Variants in TBC1D22A observed in about 807,000 individuals in gnomAD.
The protein encoded by TBC1D22A is TBC1 domain family member 22A, also known as putative GTPase activator.
TBC1D22A carries 38 observed loss-of-function variants against 60.2 expected under a neutral mutation model. That is an observed-to-expected ratio of 0.63 (90% CI 0.49 to 0.83). The LOEUF (loss-of-function observed/expected upper bound fraction) is 0.83. Ranked by LOEUF, TBC1D22A falls within the 40% of genes least tolerant of loss-of-function variation. TBC1D22A has a pLI of 0.00. For synonymous variants in TBC1D22A, 302 were observed against 281.7 expected, an observed-to-expected ratio of 1.07 and a Z score of -0.72; for missense variants, 628 against 701.0, an observed-to-expected ratio of 0.90 and a Z score of 1.18.
intron 8 of TBC1D22A, among the ~76,000 whole-genome samples, chr22:46,952,157 T>G (rs1372388167): frequency 1.5e-5 from 2 of 137,448 alleles, no homozygotes; most frequent in Admixed American, 1.5e-4. Context: ...GTTGACACTT[T>G]GCAGCCATCA....
At position 47,091,581 on chromosome 22, in the gene TBC1D22A, A is replaced by T. The variant is rs140071663; in HGVS notation, c.1330-19927A>T. Among the ~76,000 whole-genome samples the T allele has an allele frequency of 2.5e-3, 381 of 151,374 alleles. 4 individuals are homozygous for T. Among genetic ancestry groups the T allele is most frequent in the African/African-American group, 7.9e-3 (326 of 41,140 alleles). On this transcript the variant is annotated intron_variant, in intron 11 of 12. Coordinates refer to ENST00000337137, the MANE Select transcript of TBC1D22A (RefSeq NM_014346.5). ...TTGCGGAGGGGGTGGCTGCGTGTTG[A>T]TAGAGACAGGCACGATAAGTCGTCT...
intron 9 of TBC1D22A, among the ~76,000 whole-genome samples, chr22:46,987,625 G>A (rs924930493): frequency 2.6e-5 from 4 of 152,138 alleles, no homozygotes; most frequent in Admixed American, 6.5e-5. Flanking sequence ...TCTAAAAAGT[G>A]TACATACCGG....
At chr22:46,812,617 G>A (rs551141855) in intron 4 of TBC1D22A, among the ~76,000 whole-genome samples, 16 of 152,310 alleles carry the variant, frequency 1.1e-4, no homozygotes, top group African/African-American at 3.8e-4. Context: ...CTCGATGGGG[G>A]TTTTGAAATG....
chr22:46,932,814 T>A (rs2071431679), intron 8 of TBC1D22A, among the ~76,000 whole-genome samples: 1 of 144,622 alleles, frequency 6.9e-6, no homozygotes, highest in African/African-American at 2.6e-5. Flanking sequence ...AACCTCTGCC[T>A]CCCAGGTTCA....
At chr22:47,076,415 A>G (rs1398671341) in intron 11 of TBC1D22A, among the ~76,000 whole-genome samples, 12 of 148,464 alleles carry the variant, frequency 8.1e-5, no homozygotes, top group Non-Finnish European at 1.2e-4. Context: ...ACACATATAT[A>G]TATATATATG....
At chr22:47,169,903 C>A (rs2068364879) in intron 12 of TBC1D22A, among the ~76,000 whole-genome samples, 1 of 152,214 alleles carries the variant, frequency 6.6e-6, no homozygotes, top group African/African-American at 2.4e-5. Context: ...CTCCACCTGC[C>A]CTCCTGGACA....
intron 8 of TBC1D22A, among the ~76,000 whole-genome samples, chr22:46,937,849 TA>T (rs112517352): frequency 1.9e-4 from 26 of 139,148 alleles, no homozygotes; most frequent in East Asian, 4.1e-4. Flanking sequence ...GTTGAAAAAG[TA>T]AAAAAAAAAA....
At chr22:46,925,348 C>G (rs1268892327) in intron 8 of TBC1D22A, among the ~76,000 whole-genome samples, 1 of 152,188 alleles carries the variant, frequency 6.6e-6, no homozygotes, top group Non-Finnish European at 1.5e-5. Context: ...GCAGAGAGTT[C>G]CCTGGGGTTG....
intron 10 of TBC1D22A, among the ~76,000 whole-genome samples, chr22:47,003,017 T>A (rs1225863258): frequency 6.6e-6 from 1 of 152,102 alleles, no homozygotes; most frequent in Non-Finnish European, 1.5e-5. Flanking sequence ...TGCCTTTGCC[T>A]CTCTTTAGTA....
chr22:47,014,248 C>T (rs990036253), intron 10 of TBC1D22A, among the ~76,000 whole-genome samples: 1 of 152,226 alleles, frequency 6.6e-6, no homozygotes, highest in Non-Finnish European at 1.5e-5. Context: ...CATCTGCTTC[C>T]CAGGTCCTCC....
chr22:46,878,483 C>G (rs999843236), intron 4 of TBC1D22A, among the ~76,000 whole-genome samples, 170 bp from the exon 5 acceptor site: 1 of 151,734 alleles, frequency 6.6e-6, no homozygotes, highest in Non-Finnish European at 1.5e-5. Context: ...GGTCACTTAC[C>G]TTCTCTCAGA....
intron 8 of TBC1D22A, among the ~76,000 whole-genome samples, chr22:46,968,383 A>G (rs1289713823): frequency 6.6e-6 from 1 of 152,250 alleles, no homozygotes; most frequent in African/African-American, 2.4e-5. Context: ...TGGACCCCAC[A>G]GGGGGCTTTT....
chr22:46,791,129 C>A (rs1402900102), intron 1 of TBC1D22A, among the ~76,000 whole-genome samples: 1 of 152,128 alleles, frequency 6.6e-6, no homozygotes, highest in South Asian at 2.1e-4. Context: ...TGGCTCACTG[C>A]AACCTCAGCC....
chr22:46,919,737 T>C (rs113772025), intron 8 of TBC1D22A, among the ~76,000 whole-genome samples: 1 of 143,212 alleles, frequency 7.0e-6, no homozygotes, highest in Non-Finnish European at 1.5e-5. Context: ...CACTCTTTTT[T>C]TTTTTTTTGT....
In TBC1D22A at chr22:46,875,390, G is replaced by A. The variant is rs77653821; in HGVS notation, c.638-3263G>A. On this transcript the variant is annotated intron_variant, in intron 4 of 12. Coordinates refer to ENST00000337137, the MANE Select transcript of TBC1D22A (RefSeq NM_014346.5). ...AGAAGGCAGTTAACTGGGAGTGGGG[G>A]CCAAGAACGACTAGAAAAGGGCAAT... Among the ~76,000 whole-genome samples, 29 of 152,290 alleles carry A rather than the reference G, an allele frequency of 1.9e-4. No homozygotes were observed. In the South Asian group the frequency reaches 5.6e-3, roughly 29 times the overall value.
intron 10 of TBC1D22A, among the ~76,000 whole-genome samples, chr22:47,033,542 C>T (rs377349937): frequency 2.0e-5 from 3 of 152,142 alleles, no homozygotes; most frequent in African/African-American, 7.2e-5. Flanking sequence ...TGGACCCACA[C>T]CTGACCAGCT....
chr22:46,797,791 G>A lies in TBC1D22A; in HGVS notation c.637+171G>A, dbSNP rs1184457353. Among the ~76,000 whole-genome samples, 3 of 152,232 alleles carry A rather than the reference G, an allele frequency of 2.0e-5. 1 individual carries two copies. The South Asian group carries it at 6.2e-4, about 32-fold the overall frequency. The stretch of plus-strand genomic sequence containing the variant: ...TAATATTTTCAAGTCAGTCACTAAG[G>A]TAGTAGCAATTTGTGCTTTAGACAA... On this transcript the variant is annotated intron_variant, in intron 4 of 12. Coordinates refer to ENST00000337137, the MANE Select transcript of TBC1D22A (RefSeq NM_014346.5).
intron 12 of TBC1D22A, among the ~76,000 whole-genome samples, chr22:47,136,776 C>A (rs1198722056): frequency 6.6e-6 from 1 of 152,206 alleles, no homozygotes; most frequent in Non-Finnish European, 1.5e-5. Flanking sequence ...CTGCCTGTGC[C>A]CCCAGGACAC....
chr22:47,037,196 C>A lies in TBC1D22A; in HGVS notation c.1327C>A (p.Gln443Lys). ...RCTIRLWDTYQSEPDGFSHFH... is the reference protein window; with the variant it reads ...RCTIRLWDTYKSEPDGFSHFH... ...TACCATCCGCCTGTGGGACACCTAC[C>A]AGGTGAGCTCTCCTTCGCACCCTCC... The change falls in exon 11 of 13, where the codon CAG becomes AAG. Residue 443 changes from glutamine to lysine, a missense_variant and splice_region_variant. By Grantham distance (53) the Gln-to-Lys change is moderately conservative. Coordinates refer to ENST00000337137, the MANE Select transcript of TBC1D22A (RefSeq NM_014346.5). 6.2e-7 allele frequency: 1 copy of A among 1,613,450 alleles called. No individual in the cohort carries two copies. Among genetic ancestry groups the A allele is most frequent in the Non-Finnish European group, 8.5e-7 (1 of 1,179,840 alleles).
Sources: allele counts gnomAD v4.1 joint callset (sites outside exome capture counted in the v4.1 genomes callset), GRCh38; gene constraint gnomAD v4.1.1; transcripts MANE v1.5; gene names NCBI Gene and HGNC (gene_info 2026-07-23, HGNC 2026-07-21).